The following TRUB1 variants were observed in gnomAD, a reference collection of about 807,000 sequenced individuals.
TRUB1 encodes the protein pseudouridylate synthase TRUB1.
A neutral mutation model predicts 33.9 loss-of-function variants in TRUB1; 23 were observed. The ratio of observed to expected loss-of-function variants is 0.68; its 90% confidence interval spans 0.49 to 0.96. The LOEUF is 0.96. Ranked by LOEUF, TRUB1 falls within the 40% of genes least tolerant of loss-of-function variation. The pLI is 0.00. For synonymous variants in TRUB1, 163 were observed against 165.4 expected (o/e 0.99, Z 0.11); for missense variants, 378 against 422.2 (o/e 0.90, Z 0.92).
chr10:114,965,344 T>G (rs2084303057), intron 4 of TRUB1, among the ~76,000 whole-genome samples: 1 of 152,202 alleles, frequency 6.6e-6, no homozygotes. Flanking sequence ...GTATCAAATT[T>G]TTTTTCTGTA....
chr10:114,952,420 G>A (rs561459176), intron 3 of TRUB1, among the ~76,000 whole-genome samples: 1 of 152,362 alleles, frequency 6.6e-6, no homozygotes, highest in East Asian at 1.9e-4. Flanking sequence ...CAGCGTGGGT[G>A]ACAGAGTGAG....
rs1372217671 is a variant in TRUB1 at position 114,965,747 on chromosome 10, A to C, written c.524-4621A>C. ...TGGATTTTTTTCTACTAGCTATTGG[A>C]TATACTATTTTTTATTGCTTATATC... On this transcript the variant is annotated intron_variant, in intron 4 of 7. Transcript: ENST00000298746. 2.0e-5 allele frequency among the ~76,000 whole-genome samples: 3 copies of C among 152,062 alleles called. No individual in the cohort carries two copies. The East Asian group carries it at 5.8e-4, about 29-fold the overall frequency.
intron 3 of TRUB1, among the ~76,000 whole-genome samples, chr10:114,953,697 G>C (rs1447389682): frequency 6.6e-6 from 1 of 152,168 alleles, no homozygotes; most frequent in Non-Finnish European, 1.5e-5. Context: ...ATAAAGAAAA[G>C]AGGTTCATTT....
chr10:114,960,157 A>G (rs1243783840), intron 4 of TRUB1, among the ~76,000 whole-genome samples: 1 of 145,778 alleles, frequency 6.9e-6, no homozygotes, highest in Non-Finnish European at 1.5e-5. Context: ...CTGTCTTGCC[A>G]TTAAAAAAAA....
In TRUB1 at chr10:114,975,228, T is replaced by TG. The variant is rs1407557192; in HGVS notation, c.899_900insG (p.Ile300MetfsTer6). 2 of 1,613,600 alleles carry TG rather than the reference T, an allele frequency of 1.2e-6. No homozygotes were observed. The highest frequency in any genetic ancestry group is 1.7e-6 in the Non-Finnish European group (2 of 1,179,722). On this transcript the variant is annotated frameshift_variant, in exon 8 of 8. Transcript: ENST00000298746. LOFTEE classifies it high-confidence loss of function. ...GAAGACAAATGGACAATTGATGACA[T>TG]TGCACAGTCTCTTGAGCATTGCTCA...
At chr10:114,954,369 C>T (rs1018903373) in intron 3 of TRUB1, among the ~76,000 whole-genome samples, 1 of 152,112 alleles carries the variant, frequency 6.6e-6, no homozygotes, top group Non-Finnish European at 1.5e-5. Context: ...CAAGAAACAC[C>T]CTTAGAATCT....
In TRUB1 at chr10:114,942,596, C is replaced by T. The variant is rs753812559; in HGVS notation, c.287-49C>T. 1.1e-5 allele frequency: 14 copies of T among 1,273,748 alleles called. No homozygotes were observed. The South Asian group carries it at 1.6e-4, about 14-fold the overall frequency. The allele number at this position is 1,273,748 out of a possible 1,614,324, so 78.9% of individuals were successfully genotyped here. ...TCCTCCCAAGTTTATGAAGATCCTA[C>T]TTCATTTGTCTTGGTGATCACCTTT... On this transcript the variant is annotated intron_variant, in intron 1 of 7. Coordinates refer to ENST00000298746, the MANE Select transcript of TRUB1 (RefSeq NM_139169.5).
At chr10:114,964,212 G>T (rs2084296711) in intron 4 of TRUB1, among the ~76,000 whole-genome samples, 1 of 151,942 alleles carries the variant, frequency 6.6e-6, no homozygotes, top group Admixed American at 6.6e-5. Flanking sequence ...ATTCCATTGT[G>T]GTTTTAATTT....
At chr10:114,957,396 G>C (rs1195330815) in intron 3 of TRUB1, among the ~76,000 whole-genome samples, 1 of 152,220 alleles carries the variant, frequency 6.6e-6, no homozygotes, top group East Asian at 1.9e-4. Context: ...TAACCTCTTA[G>C]AGGGAGAGCA....
chr10:114,966,959 A>G (rs142601713), intron 4 of TRUB1, among the ~76,000 whole-genome samples: 114 of 152,270 alleles, frequency 7.5e-4, no homozygotes, highest in African/African-American at 2.7e-3. Flanking sequence ...TGTGCATTCA[A>G]CAAAGTTTCT....
At chr10:114,974,466 C>G (rs770085533) in intron 7 of TRUB1, 81 bp downstream of exon 7, 1 of 1,270,066 alleles carries the variant, frequency 7.9e-7, no homozygotes, top group Non-Finnish European at 1.1e-6. Context: ...TTCCGTTTTT[C>G]TTATTTCTGA....
At chr10:114,959,085 G>A (rs2084274112) in intron 3 of TRUB1, among the ~76,000 whole-genome samples, 1 of 152,110 alleles carries the variant, frequency 6.6e-6, no homozygotes, top group African/African-American at 2.4e-5. Flanking sequence ...GCAGTGAGCC[G>A]AGATCGCACC....
chr10:114,958,315 T>C (rs947372657), intron 3 of TRUB1, among the ~76,000 whole-genome samples: 3 of 152,196 alleles, frequency 2.0e-5, no homozygotes, highest in Non-Finnish European at 4.4e-5. Context: ...TTTTTGTCAA[T>C]ACCTATGAAA....
rs751547550 is a variant in TRUB1, at chr10:114,975,181, G to A, written c.852G>A (p.Thr284=). The stretch of plus-strand genomic sequence containing the variant: ...CCCGAACCAAACAGGGACCATTTAC[G>A]CTAGAAGAACATGCCCTTCCTGAAG... ...ELTRTKQGPF[T]LEEHALPEDK... The change falls in exon 8 of 8, where the codon ACG becomes ACA. Residue 284 remains threonine, a synonymous_variant. Transcript: ENST00000298746. 63 of 1,613,336 alleles carry A rather than the reference G, an allele frequency of 3.9e-5. No homozygotes were observed. The Middle Eastern group carries it at 4.9e-4, about 13-fold the overall frequency.
Position 114,951,202 on chromosome 10 carries a change from T to C in TRUB1, c.441+53T>C. 3.5e-6 allele frequency: 5 copies of C among 1,417,746 alleles called. No individual in the cohort carries two copies. The South Asian group carries it at 6.1e-5, about 17-fold the overall frequency. The allele number at this position is 1,417,746 out of a possible 1,614,324, so 87.8% of individuals were successfully genotyped here. A position where few individuals can be genotyped will look rare whatever the true frequency, so the allele number is the denominator to read the frequency against. On this transcript the variant is annotated intron_variant, in intron 3 of 7. Coordinates refer to ENST00000298746, the MANE Select transcript of TRUB1 (RefSeq NM_139169.5). Reference sequence around the variant, plus strand: ...TCTTTAATGTTCTTAATGATCTACATGTATTGGGTTTTTATCAAATAAAAA... The same window carrying C: ...TCTTTAATGTTCTTAATGATCTACACGTATTGGGTTTTTATCAAATAAAAA...
intron 3 of TRUB1, 52 bp from the exon 4 acceptor site, chr10:114,959,674 C>A: frequency 8.7e-7 from 1 of 1,147,552 alleles, no homozygotes; most frequent in Non-Finnish European, 1.3e-6. Context: ...ACATGCATAA[C>A]AGTTTTTGTT....
intron 4 of TRUB1, among the ~76,000 whole-genome samples, chr10:114,965,600 A>G (rs1434377162): frequency 2.6e-5 from 4 of 151,802 alleles, no homozygotes; most frequent in Admixed American, 2.6e-4. Context: ...TGCTGTTCTC[A>G]TTTTTTCTAT....
Position 114,976,484 on chromosome 10 carries a change from A to G in TRUB1, c.*1105A>G, listed in dbSNP as rs1212668205. ...CTTCATATTTTTGTTATGGGAAAGC[A>G]ATATATTATGCAGCCAGTCTGTAGA... On this transcript the variant is annotated 3_prime_UTR_variant, in exon 8 of 8. Transcript: ENST00000298746. 1 of 152,178 alleles carries G rather than the reference A, an allele frequency of 6.6e-6. No individual in the cohort carries two copies. The highest frequency in any genetic ancestry group is 1.9e-4 in the East Asian group (1 of 5,204). The allele number at this position is 152,178 out of a possible 1,614,324, so 9.4% of individuals were successfully genotyped here.
At chr10:114,970,782 C>A (rs906705811) in intron 5 of TRUB1, among the ~76,000 whole-genome samples, 2 of 152,198 alleles carry the variant, frequency 1.3e-5, no homozygotes, top group Non-Finnish European at 2.9e-5. Context: ...CCAGTCCCGT[C>A]TGGGAGGGAA....
Sources: allele counts gnomAD v4.1 joint callset (sites outside exome capture counted in the v4.1 genomes callset), GRCh38; gene constraint gnomAD v4.1.1; transcripts MANE v1.5; gene names NCBI Gene and HGNC (gene_info 2026-07-23, HGNC 2026-07-21).